Variants in CFAP95 observed in about 807,000 individuals in gnomAD.
The protein encoded by CFAP95 is cilia and flagella associated protein 95.
the CFAP95 span, among the ~76,000 whole-genome samples, chr9:69,846,725 C>A: frequency 6.6e-6 from 1 of 152,156 alleles, no homozygotes; most frequent in African/African-American, 2.4e-5. Context: ...CTGGATATAG[C>A]AAGAGGATGG....
At chr9:69,865,872 T>C in the CFAP95 span, among the ~76,000 whole-genome samples, 4 of 152,314 alleles carry the variant, frequency 2.6e-5, no homozygotes, top group East Asian at 7.7e-4. Context: ...GGCACTATTC[T>C]AAGTGTTTTA....
chr9:69,832,045 C>T, the CFAP95 span, among the ~76,000 whole-genome samples: 100 of 152,246 alleles, frequency 6.6e-4, 2 homozygotes, highest in East Asian at 0.019. Flanking sequence ...TTGCATATGG[C>T]CATTTATAAC....
At chr9:69,867,216 C>T in the CFAP95 span, among the ~76,000 whole-genome samples, 24 of 152,224 alleles carry the variant, frequency 1.6e-4, no homozygotes, top group African/African-American at 5.8e-4. Flanking sequence ...TATTCTATCG[C>T]TATCCTTGCA....
At chr9:69,838,801 G>A in the CFAP95 span, among the ~76,000 whole-genome samples, 9,303 of 104,916 alleles carry the variant, frequency 0.089, 557 homozygotes, top group South Asian at 0.19. Context: ...GGGCATCCCT[G>A]TCTTGTGCCA....
the CFAP95 span, among the ~76,000 whole-genome samples, chr9:69,853,987 C>T: frequency 5.9e-5 from 9 of 152,188 alleles, no homozygotes. Flanking sequence ...TTGTCCAGAA[C>T]CAGTAACTGA....
At chr9:69,821,062 T>C in the CFAP95 span, 1 of 1,603,808 alleles carries the variant, frequency 6.2e-7, no homozygotes, top group Non-Finnish European at 8.5e-7. Context: ...AGTTCCCGGG[T>C]GCTGCGGGGA....
chr9:69,904,312 T>C, the CFAP95 span, among the ~76,000 whole-genome samples: 1,892 of 152,340 alleles, frequency 0.012, 42 homozygotes, highest in African/African-American at 0.043. Flanking sequence ...CAATATGTGG[T>C]TTCGCTTCTT....
chr9:69,820,877 C>T, the CFAP95 span: 1 of 1,613,810 alleles, frequency 6.2e-7, no homozygotes, highest in Non-Finnish European at 8.5e-7. Flanking sequence ...CTCGAGGGCT[C>T]CCATGGATAG....
chr9:69,881,940 T>A, the CFAP95 span, among the ~76,000 whole-genome samples: 1 of 152,162 alleles, frequency 6.6e-6, no homozygotes, highest in African/African-American at 2.4e-5. Context: ...GGGATTAGGT[T>A]TTTTTTAAAT....
At chr9:69,880,200 G>A in the CFAP95 span, among the ~76,000 whole-genome samples, 1 of 151,966 alleles carries the variant, frequency 6.6e-6, no homozygotes, top group Non-Finnish European at 1.5e-5. Context: ...ATTGACTATA[G>A]TCCCCACGTT....
At chr9:69,820,819 T>C in the CFAP95 span, 1 of 1,538,102 alleles carries the variant, frequency 6.5e-7, no homozygotes, top group Non-Finnish European at 8.8e-7. Flanking sequence ...GTACTTACGT[T>C]CCTGCCGGGC....
the CFAP95 span, among the ~76,000 whole-genome samples, chr9:69,832,461 T>A: frequency 6.6e-6 from 1 of 152,174 alleles, no homozygotes. Context: ...CCCTTGCCCA[T>A]GTAGCTCTGA....
the CFAP95 span, chr9:69,857,803 C>T: frequency 4.2e-6 from 4 of 946,524 alleles, no homozygotes; most frequent in African/African-American, 5.0e-5. Flanking sequence ...TCTGGGATTA[C>T]AGGCGTGAGC....
At chr9:69,841,164 T>TTATATATATA in the CFAP95 span, among the ~76,000 whole-genome samples, 1,068 of 55,764 alleles carry the variant, frequency 0.019, 45 homozygotes, top group Middle Eastern at 0.031. Context: ...CCAAGCTGGA[T>TTATATATATA]TATATATATA....
At chr9:69,906,062 A>T in the CFAP95 span, 22 of 1,613,330 alleles carry the variant, frequency 1.4e-5, no homozygotes, top group Non-Finnish European at 1.8e-5. Context: ...GCATGATGAG[A>T]GTGGGATTTA....
chr9:69,858,169 G>T, the CFAP95 span: 1 of 549,142 alleles, frequency 1.8e-6, no homozygotes, highest in East Asian at 3.1e-5. Context: ...TAATAAAACA[G>T]TAAATCCTCA....
chr9:69,865,735 A>G, the CFAP95 span, among the ~76,000 whole-genome samples: 2 of 152,184 alleles, frequency 1.3e-5, no homozygotes, highest in African/African-American at 4.8e-5. Flanking sequence ...GACAGTTCTG[A>G]TGACATTCTT....
the CFAP95 span, among the ~76,000 whole-genome samples, chr9:69,898,284 A>T: frequency 6.6e-6 from 1 of 151,660 alleles, no homozygotes; most frequent in Non-Finnish European, 1.5e-5. Flanking sequence ...CTCTCTCCTA[A>T]CCTCTCCTTG....
At chr9:69,851,575 C>T in the CFAP95 span, among the ~76,000 whole-genome samples, 1 of 151,946 alleles carries the variant, frequency 6.6e-6, no homozygotes, top group Non-Finnish European at 1.5e-5. Context: ...CTAGAAGAGC[C>T]TTTTGTGTTT....
Sources: allele counts gnomAD v4.1 joint callset (sites outside exome capture counted in the v4.1 genomes callset), GRCh38; gene constraint gnomAD v4.1.1; transcripts MANE v1.5; gene names NCBI Gene and HGNC (gene_info 2026-07-23, HGNC 2026-07-21).